FANCC: variants seen among roughly 807,000 people sequenced by gnomAD.
FANCC encodes FA complementation group C.
A neutral mutation model predicts 71.3 loss-of-function variants in FANCC; 55 were observed. That is an observed-to-expected ratio of 0.77 (90% CI 0.62 to 0.97). FANCC has a LOEUF of 0.97. FANCC is among the 50% of genes least tolerant of loss of function. The pLI is 0.00. For synonymous variants in FANCC, 275 were observed against 244.9 expected, an observed-to-expected ratio of 1.12 and a Z score of -1.15; for missense variants, 678 against 670.9, an observed-to-expected ratio of 1.01 and a Z score of -0.12.
intron 3 of FANCC, among the ~76,000 whole-genome samples, chr9:95,243,392 C>G (rs1461459449): frequency 6.6e-6 from 1 of 152,120 alleles, no homozygotes; most frequent in African/African-American, 2.4e-5. Context: ...CAAATCATCC[C>G]TCCTTCCTTA....
intron 4 of FANCC, among the ~76,000 whole-genome samples, chr9:95,217,110 T>C (rs1828909817): frequency 6.6e-6 from 1 of 152,128 alleles, no homozygotes; most frequent in African/African-American, 2.4e-5. Context: ...AATACAAATA[T>C]ATAATCAGAC....
intron 1 of FANCC, among the ~76,000 whole-genome samples, chr9:95,261,227 C>T (rs1020132201): frequency 2.6e-5 from 4 of 152,216 alleles, no homozygotes; most frequent in Non-Finnish European, 5.9e-5. Flanking sequence ...GTAATTTCAA[C>T]TTTTTTCACA....
chr9:95,148,779 C>CA (rs1168152440), intron 7 of FANCC, among the ~76,000 whole-genome samples: 1 of 152,196 alleles, frequency 6.6e-6, no homozygotes, highest in Non-Finnish European at 1.5e-5. Context: ...TCTAATGTAA[C>CA]AGAGTATGGA....
chr9:95,190,666 C>T (rs536362740), intron 4 of FANCC, among the ~76,000 whole-genome samples: 1 of 152,336 alleles, frequency 6.6e-6, no homozygotes, highest in East Asian at 1.9e-4. Flanking sequence ...ACACACTGCC[C>T]GCCCTGGCAC....
At chr9:95,111,159 G>A (rs1391286867) in intron 13 of FANCC, 8 of 1,535,214 alleles carry the variant, frequency 5.2e-6, no homozygotes, top group East Asian at 2.4e-5. Flanking sequence ...TGGAGGACGC[G>A]ACCCTGGGGC....
At chr9:95,109,337 A>T (rs1305359274) in intron 13 of FANCC, among the ~76,000 whole-genome samples, 1 of 152,204 alleles carries the variant, frequency 6.6e-6, no homozygotes, top group Non-Finnish European at 1.5e-5. Flanking sequence ...ATTTATGAAC[A>T]ATGCTGTGCT....
chr9:95,223,345 G>C (rs890167402), intron 4 of FANCC, among the ~76,000 whole-genome samples: 6 of 152,296 alleles, frequency 3.9e-5, no homozygotes, highest in African/African-American at 1.4e-4. Context: ...GTTTGCAGAA[G>C]CATCAGCTGA....
chr9:95,283,969 C>T (rs1833523009), intron 1 of FANCC, among the ~76,000 whole-genome samples: 1 of 152,208 alleles, frequency 6.6e-6, no homozygotes, highest in African/African-American at 2.4e-5. Flanking sequence ...ATGGGAAAAA[C>T]CTAGTAGGGT....
intron 4 of FANCC, among the ~76,000 whole-genome samples, chr9:95,181,099 T>A (rs1259465804): frequency 2.0e-5 from 3 of 151,948 alleles, no homozygotes; most frequent in Non-Finnish European, 4.4e-5. Context: ...AAACCTTGAA[T>A]GTACCTAACC....
At chr9:95,136,751 T>C (rs1360598467) in intron 7 of FANCC, among the ~76,000 whole-genome samples, 1 of 152,188 alleles carries the variant, frequency 6.6e-6, no homozygotes, top group East Asian at 1.9e-4. Flanking sequence ...CCCAAAATGT[T>C]GGGAATACAG....
At chr9:95,158,995 T>C (rs1358607820) in intron 6 of FANCC, among the ~76,000 whole-genome samples, 1 of 152,004 alleles carries the variant, frequency 6.6e-6, no homozygotes. Context: ...CATGCTATAC[T>C]CCCAACTGCT....
Position 95,099,243 on chromosome 9 carries a change from A to AAAACT in FANCC, c.*2459_*2463dup, listed in dbSNP as rs2071003055. 9.1e-6 allele frequency: 2 copies of AAAACT among 219,146 alleles called. No homozygotes were observed. Among genetic ancestry groups the AAAACT allele is most frequent in the East Asian group, 6.7e-5 (1 of 14,978 alleles). The allele number at this position is 219,146 out of a possible 1,614,324, so 13.6% of individuals were successfully genotyped here. ...GTGGTTTTACCAGCATGCTTTATCA[A>AAAACT]AAACTAAACTATCAGGGAGAGTCTA... On this transcript the variant is annotated 3_prime_UTR_variant, in exon 15 of 15. Transcript: ENST00000289081.
At chr9:95,125,921 C>T (rs554316800) in intron 9 of FANCC, among the ~76,000 whole-genome samples, 50 of 152,362 alleles carry the variant, frequency 3.3e-4, no homozygotes, top group African/African-American at 1.2e-3. Context: ...AGTACTCCCA[C>T]TAACTTAGTA....
intron 4 of FANCC, among the ~76,000 whole-genome samples, chr9:95,189,534 G>T (rs901915472): frequency 6.6e-6 from 1 of 152,062 alleles, no homozygotes; most frequent in African/African-American, 2.4e-5. Context: ...GTTCCGGGGG[G>T]GGAAATAGAG....
intron 1 of FANCC, among the ~76,000 whole-genome samples, chr9:95,257,543 G>A (rs1415276588): frequency 1.3e-5 from 2 of 152,194 alleles, no homozygotes; most frequent in African/African-American, 2.4e-5. Flanking sequence ...TATTTAGAGG[G>A]AAATTTATAG....
At chr9:95,205,580 T>C (rs1828072530) in intron 4 of FANCC, among the ~76,000 whole-genome samples, 1 of 152,020 alleles carries the variant, frequency 6.6e-6, no homozygotes, top group African/African-American at 2.4e-5. Context: ...AAAAACACTT[T>C]CAGAGAAAAT....
At chr9:95,258,409 C>T (rs962414103) in intron 1 of FANCC, among the ~76,000 whole-genome samples, 1 of 152,136 alleles carries the variant, frequency 6.6e-6, no homozygotes, top group Non-Finnish European at 1.5e-5. Context: ...AAATGCAATC[C>T]GTCACATAAA....
chr9:95,204,074 A>C (rs1039512363), intron 4 of FANCC, among the ~76,000 whole-genome samples: 2 of 152,242 alleles, frequency 1.3e-5, no homozygotes, highest in Non-Finnish European at 2.9e-5. Context: ...AGGAGCAAAG[A>C]AGCACTGTGT....
chr9:95,120,060 G>T (rs2072752219), intron 10 of FANCC, among the ~76,000 whole-genome samples: 2 of 152,056 alleles, frequency 1.3e-5, no homozygotes, highest in Admixed American at 1.3e-4. Context: ...TTTTTCCTAT[G>T]GTTAGTGCTT....
Sources: gnomAD v4.1 joint callset for allele counts (sites outside exome capture counted in the v4.1 genomes callset) on GRCh38, gnomAD v4.1.1 for gene constraint, MANE v1.5 for transcripts, NCBI Gene and HGNC (gene_info 2026-07-23, HGNC 2026-07-21) for gene names.